ATXN2: variants seen among roughly 807,000 people sequenced by gnomAD.
ATXN2 encodes the protein ataxin 2.
A neutral mutation model predicts 138.6 loss-of-function variants in ATXN2; 37 were observed. The ratio of observed to expected loss-of-function variants is 0.27; its 90% CI spans 0.21 to 0.35. The LOEUF (loss-of-function observed/expected upper bound fraction) is 0.35, where lower values mean the gene tolerates loss of function less well. Ranked by LOEUF, ATXN2 falls within the 10% of genes least tolerant of loss-of-function variation. The probability of loss-of-function intolerance (pLI) is 1.00; values close to 1 mark genes in which losing one functional copy is unlikely to be tolerated. For synonymous variants in ATXN2, 549 were observed against 543.7 expected (o/e 1.01, Z -0.13); for missense variants, 1,216 against 1,480.3 (o/e 0.82, Z 2.93).
intron 5 of ATXN2, among the ~76,000 whole-genome samples, chr12:111,528,669 T>C (rs1880640306): frequency 6.6e-6 from 1 of 152,198 alleles, no homozygotes; most frequent in African/African-American, 2.4e-5. Flanking sequence ...CTATAAAGAA[T>C]GATATTCCTT....
chr12:111,567,080 T>C (rs1362615014), intron 1 of ATXN2, among the ~76,000 whole-genome samples: 2 of 152,186 alleles, frequency 1.3e-5, no homozygotes, highest in Non-Finnish European at 2.9e-5. Context: ...TGCAATCTCA[T>C]GATAAAACTT....
chr12:111,512,943 T>C (rs2135733015), intron 11 of ATXN2: 1 of 167,798 alleles, frequency 6.0e-6, no homozygotes, highest in African/African-American at 2.4e-5. Flanking sequence ...AATGTACTGA[T>C]AAACAAAGCT....
chr12:111,513,113 A>C (rs1879641512), intron 11 of ATXN2: 1 of 452,456 alleles, frequency 2.2e-6, no homozygotes, highest in African/African-American at 2.0e-5. Flanking sequence ...AGACTAGGCA[A>C]GAATTATTAA....
chr12:111,492,712 A>ACAAACAAAACCAGACT (rs1878126480), intron 14 of ATXN2, among the ~76,000 whole-genome samples: 3 of 151,894 alleles, frequency 2.0e-5, no homozygotes, highest in African/African-American at 7.2e-5. Flanking sequence ...AAGAATGCGT[A>ACAAACAAAACCAGACT]CAAACAAAAC....
At chr12:111,503,449 C>A (rs976001186) in intron 14 of ATXN2, among the ~76,000 whole-genome samples, 1 of 152,020 alleles carries the variant, frequency 6.6e-6, no homozygotes, top group Non-Finnish European at 1.5e-5. Context: ...ATTTAACATA[C>A]AAGCATGAAG....
intron 1 of ATXN2, among the ~76,000 whole-genome samples, chr12:111,591,851 G>A (rs898675527): frequency 5.9e-5 from 9 of 152,094 alleles, no homozygotes; most frequent in Non-Finnish European, 1.2e-4. Flanking sequence ...GGAGGCCAAG[G>A]CAGGTGGATC....
chr12:111,455,388 A>T (rs1392633768), intron 23 of ATXN2: 4 of 437,088 alleles, frequency 9.2e-6, no homozygotes, highest in Non-Finnish European at 1.7e-5. Flanking sequence ...TTTCACCTGT[A>T]GCAGCTTACA....
intron 14 of ATXN2, among the ~76,000 whole-genome samples, chr12:111,491,337 GTC>G (rs1878018841): frequency 6.6e-6 from 1 of 152,154 alleles, no homozygotes; most frequent in African/African-American, 2.4e-5. Flanking sequence ...TTGAAAGGCA[GTC>G]TAGACCAGAA....
intron 1 of ATXN2, among the ~76,000 whole-genome samples, chr12:111,579,063 G>T (rs1883843367): frequency 6.6e-6 from 1 of 152,078 alleles, no homozygotes; most frequent in Non-Finnish European, 1.5e-5. Flanking sequence ...CACTGCTAGG[G>T]AAAGAAAATA....
intron 15 of ATXN2, 151 bp from the exon 16 acceptor site, chr12:111,486,975 C>A (rs1335099397): frequency 1.6e-6 from 1 of 642,502 alleles, no homozygotes. Context: ...AACATATACA[C>A]TTATATTGCC....
chr12:111,481,832 T>C (rs917467662), intron 18 of ATXN2, among the ~76,000 whole-genome samples: 2 of 151,930 alleles, frequency 1.3e-5, no homozygotes, highest in African/African-American at 4.8e-5. Flanking sequence ...AGTGTAATTT[T>C]TGTATTTTTA....
chr12:111,500,418 T>C (rs894880415), intron 14 of ATXN2, among the ~76,000 whole-genome samples: 1 of 151,908 alleles, frequency 6.6e-6, no homozygotes, highest in Non-Finnish European at 1.5e-5. Context: ...ATAAAAACAA[T>C]TGAACACATG....
intron 5 of ATXN2, among the ~76,000 whole-genome samples, chr12:111,542,395 T>C (rs181037036): frequency 6.6e-6 from 1 of 151,948 alleles, no homozygotes; most frequent in Non-Finnish European, 1.5e-5. Context: ...CTCGCCCAGC[T>C]AATTTTTGTA....
At chr12:111,555,500 C>T (rs137986935) in intron 2 of ATXN2, among the ~76,000 whole-genome samples, 1 of 152,210 alleles carries the variant, frequency 6.6e-6, no homozygotes, top group African/African-American at 2.4e-5. Flanking sequence ...AAGGGGCTTT[C>T]CCTGCTTTGC....
At chr12:111,481,999 T>C (rs1375481294) in intron 18 of ATXN2, among the ~76,000 whole-genome samples, 2 of 151,950 alleles carry the variant, frequency 1.3e-5, no homozygotes, top group Non-Finnish European at 2.9e-5. Context: ...CACAAAAGCA[T>C]TACTCATTGC....
chr12:111,474,133 A>G (rs1308794137), intron 18 of ATXN2, among the ~76,000 whole-genome samples: 1 of 152,152 alleles, frequency 6.6e-6, no homozygotes, highest in African/African-American at 2.4e-5. Flanking sequence ...AGGTGGGAGG[A>G]CCACCTAAGC....
intron 5 of ATXN2, among the ~76,000 whole-genome samples, chr12:111,543,663 G>T (rs528858979): frequency 3.9e-5 from 6 of 152,098 alleles, no homozygotes; most frequent in Non-Finnish European, 8.8e-5. Flanking sequence ...TCAATGTCAT[G>T]CAGTACAACA....
intron 14 of ATXN2, among the ~76,000 whole-genome samples, chr12:111,494,171 C>T (rs149637511): frequency 0.1 from 15,552 of 152,026 alleles, 2,660 homozygotes; most frequent in African/African-American, 0.35. Context: ...CTTAGGTGAT[C>T]CGCCCACCTC....
At chr12:111,583,944 AAC>A (rs1884172697) in intron 1 of ATXN2, among the ~76,000 whole-genome samples, 1 of 152,034 alleles carries the variant, frequency 6.6e-6, no homozygotes, top group Non-Finnish European at 1.5e-5. Context: ...ATTCAAATTT[AAC>A]TGAGTGTCCT....
Sources: allele counts gnomAD v4.1 joint callset (sites outside exome capture counted in the v4.1 genomes callset), GRCh38; gene constraint gnomAD v4.1.1; transcripts MANE v1.5; gene names NCBI Gene and HGNC (gene_info 2026-07-23, HGNC 2026-07-21).